DLGAP2: variants seen among roughly 807,000 people sequenced by gnomAD.
DLGAP2 encodes the protein disks large-associated protein 2.
In DLGAP2, 26 loss-of-function variants were observed where a neutral mutation model predicts 100.3. That is an observed-to-expected ratio of 0.26 (90% CI 0.19 to 0.36). DLGAP2 has a LOEUF of 0.36. Ranked by LOEUF, DLGAP2 falls within the 10% of genes least tolerant of loss-of-function variation. DLGAP2 has a pLI of 1.00. For missense variants in DLGAP2, 1,858 were observed against 1,453.2 expected, an observed-to-expected ratio of 1.28 and a Z score of -4.53; for synonymous variants, 886 against 630.1, an observed-to-expected ratio of 1.41 and a Z score of -6.08.
chr8:1,180,462 G>C (rs1797357617), intron 2 of DLGAP2, among the ~76,000 whole-genome samples: 1 of 152,210 alleles, frequency 6.6e-6, no homozygotes, highest in African/African-American at 2.4e-5. Context: ...CCGTGTGCCT[G>C]GGATCTCAGG....
chr8:1,407,634 A>T (rs1452338503), intron 3 of DLGAP2, among the ~76,000 whole-genome samples: 2 of 74,784 alleles, frequency 2.7e-5, no homozygotes, highest in Non-Finnish European at 5.3e-5. Flanking sequence ...TTGAGTGCTT[A>T]CTGAGCGCCA....
rs1037174490 is a variant in DLGAP2, at chr8:1,536,328, T to C, written c.173-12298T>C. On this transcript the variant is annotated intron_variant, in intron 4 of 14. Coordinates refer to ENST00000637795, the MANE Select transcript of DLGAP2 (RefSeq NM_001346810.2). Reference sequence around the variant, plus strand: ...GGATTGTTAGCAGAACCACATGAAATCAGCACCATGCCGACGACCATGAAA... The same window carrying C: ...GGATTGTTAGCAGAACCACATGAAACCAGCACCATGCCGACGACCATGAAA... Among the ~76,000 whole-genome samples, 6 of 152,220 alleles carry C rather than the reference T, an allele frequency of 3.9e-5. No homozygotes were observed. The East Asian group carries it at 1.2e-3, about 29-fold the overall frequency.
At chr8:1,553,775 C>G (rs1352016773) in intron 5 of DLGAP2, among the ~76,000 whole-genome samples, 1 of 152,196 alleles carries the variant, frequency 6.6e-6, no homozygotes, top group Admixed American at 6.5e-5. Flanking sequence ...CAGCCATTCT[C>G]TGAACGACGT....
At position 1,061,328 on chromosome 8, in the gene DLGAP2, T is replaced by C. The variant is rs535352610; in HGVS notation, c.73+153362T>C. ...CTCCAATGTAGGCCCAACTGTGGTT[T>C]CTACCATCAGCTTTCTTTGTAGGCC... On this transcript the variant is annotated intron_variant, in intron 2 of 14. Coordinates refer to ENST00000637795, the MANE Select transcript of DLGAP2 (RefSeq NM_001346810.2). Among the ~76,000 whole-genome samples, 20 of 152,300 alleles carry C rather than the reference T, an allele frequency of 1.3e-4. No homozygotes were observed. In the South Asian group the frequency reaches 3.9e-3, roughly 30 times the overall value.
chr8:1,607,746 G>C (rs1331069345), intron 6 of DLGAP2, among the ~76,000 whole-genome samples: 2 of 152,244 alleles, frequency 1.3e-5, no homozygotes, highest in Non-Finnish European at 2.9e-5. Flanking sequence ...AGGGGTCAGG[G>C]AGTTCCCTTT....
At chr8:978,739 T>A (rs887920422) in intron 2 of DLGAP2, among the ~76,000 whole-genome samples, 1 of 152,086 alleles carries the variant, frequency 6.6e-6, no homozygotes, top group African/African-American at 2.4e-5. Flanking sequence ...CATGTGTATA[T>A]CATCTGGTAA....
intron 4 of DLGAP2, among the ~76,000 whole-genome samples, chr8:1,511,757 G>C (rs1056215884): frequency 6.6e-6 from 1 of 152,058 alleles, no homozygotes; most frequent in Non-Finnish European, 1.5e-5. Flanking sequence ...ATCTTCCATG[G>C]ACGTAAGGTC....
intron 3 of DLGAP2, among the ~76,000 whole-genome samples, chr8:1,326,153 T>G (rs1336165507): frequency 1.3e-5 from 2 of 152,230 alleles, no homozygotes; most frequent in African/African-American, 4.8e-5. Flanking sequence ...TTAATGCTAT[T>G]TTGAATAAAG....
At position 1,702,165 on chromosome 8, in the gene DLGAP2, G is replaced by A. The variant is rs867520624; in HGVS notation, c.*759G>A. On this transcript the variant is annotated 3_prime_UTR_variant, in exon 15 of 15. Transcript: ENST00000637795. ...TCACGCGCAGAGAGGAGAGTCTTAC[G>A]GAGGGCTGGGAGCTTAAAAGGAAAA... is the stretch of plus-strand genomic sequence containing the variant. 1 of 152,290 alleles carries A rather than the reference G, an allele frequency of 6.6e-6. No individual in the cohort carries two copies. The highest frequency in any genetic ancestry group is 2.4e-5 in the African/African-American group (1 of 41,562). 9.4% of individuals were successfully genotyped at this position (152,290 alleles called of 1,614,324 possible).
chr8:1,449,934 A>T (rs866411100), intron 3 of DLGAP2, among the ~76,000 whole-genome samples: 129 of 42,276 alleles, frequency 3.1e-3, no homozygotes, highest in East Asian at 0.01. Context: ...TCGGTGGCTG[A>T]GGCGGAGCTG....
At chr8:1,280,024 C>G (rs1431528047) in intron 3 of DLGAP2, among the ~76,000 whole-genome samples, 3 of 152,212 alleles carry the variant, frequency 2.0e-5, no homozygotes, top group African/African-American at 4.8e-5. Context: ...CTTTGAGGAG[C>G]TTAGAATTCA....
chr8:1,374,108 T>G (rs140129399), intron 3 of DLGAP2, among the ~76,000 whole-genome samples: 2,179 of 148,750 alleles, frequency 0.015, 40 homozygotes, highest in Middle Eastern at 0.045. Flanking sequence ...TGCAGAGGAC[T>G]GTGTGGTGGA....
At chr8:1,269,745 C>T (rs764081248) in intron 3 of DLGAP2, among the ~76,000 whole-genome samples, 22 of 152,138 alleles carry the variant, frequency 1.4e-4, no homozygotes, top group Non-Finnish European at 3.1e-4. Flanking sequence ...AGAACTCAAG[C>T]TGTGAACCTA....
At chr8:1,412,785 A>T (rs1327291800) in intron 3 of DLGAP2, among the ~76,000 whole-genome samples, 1 of 152,206 alleles carries the variant, frequency 6.6e-6, no homozygotes. Flanking sequence ...TCTGACTCTA[A>T]CATACCCTCC....
intron 6 of DLGAP2, among the ~76,000 whole-genome samples, chr8:1,580,026 G>A (rs1055716637): frequency 1.3e-5 from 2 of 152,118 alleles, no homozygotes; most frequent in African/African-American, 2.4e-5. Context: ...TAAGAGCCCC[G>A]CCCATTTCCC....
intron 2 of DLGAP2, among the ~76,000 whole-genome samples, chr8:995,177 A>G (rs77528912): frequency 0.025 from 3,784 of 152,314 alleles, 144 homozygotes; most frequent in African/African-American, 0.086. Flanking sequence ...TTCACATTAT[A>G]CTGTATAAAG....
At chr8:1,239,842 A>G (rs1798744783) in intron 2 of DLGAP2, among the ~76,000 whole-genome samples, 1 of 45,346 alleles carries the variant, frequency 2.2e-5, no homozygotes, top group Non-Finnish European at 4.2e-5. Flanking sequence ...TCTCGCACAT[A>G]GCGTCATGTC....
At chr8:1,593,518 C>G (rs999418838) in intron 6 of DLGAP2, among the ~76,000 whole-genome samples, 1 of 152,000 alleles carries the variant, frequency 6.6e-6, no homozygotes, top group African/African-American at 2.4e-5. Flanking sequence ...TTGAAAATCT[C>G]CTGCACCTTG....
chr8:961,712 A>T (rs1293182398), intron 2 of DLGAP2, among the ~76,000 whole-genome samples: 1 of 152,212 alleles, frequency 6.6e-6, no homozygotes, highest in African/African-American at 2.4e-5. Context: ...AAACATAACT[A>T]TGTGAAAATT....
Sources: gnomAD v4.1 joint callset for allele counts (sites outside exome capture counted in the v4.1 genomes callset) on GRCh38, gnomAD v4.1.1 for gene constraint, MANE v1.5 for transcripts, NCBI Gene and HGNC (gene_info 2026-07-23, HGNC 2026-07-21) for gene names.